SLC19A3: variants seen among roughly 807,000 people sequenced by gnomAD.
SLC19A3 encodes the protein solute carrier family 19 member 3, also known as thiamine transporter 2.
SLC19A3 carries 31 observed loss-of-function variants against 40.2 expected under a neutral mutation model. The ratio of observed to expected loss-of-function variants is 0.77; its 90% CI spans 0.58 to 1.04. SLC19A3 has a LOEUF of 1.04. Among genes scored for constraint, SLC19A3 ranks in the 50% least tolerant of loss-of-function variants. The probability of loss-of-function intolerance (pLI) is 0.00; values close to 1 mark genes in which losing one functional copy is unlikely to be tolerated. For synonymous variants in SLC19A3, 212 were observed against 227.5 expected, an observed-to-expected ratio of 0.93 and a Z score of 0.61; for missense variants, 592 against 596.7, an observed-to-expected ratio of 0.99 and a Z score of 0.08.
intron 3 of SLC19A3, 51 bp downstream of exon 3, chr2:227,698,685 G>A: frequency 1.3e-6 from 2 of 1,491,852 alleles, no homozygotes; most frequent in Non-Finnish European, 1.9e-6. Context: ...CTGGAGGAAT[G>A]GACTTAAGCG....
At chr2:227,699,990 A>G (rs1695617837) in intron 2 of SLC19A3, among the ~76,000 whole-genome samples, 1 of 151,594 alleles carries the variant, frequency 6.6e-6, no homozygotes, top group Non-Finnish European at 1.5e-5. Flanking sequence ...CCATTCTCCC[A>G]TCTCAGCCTC....
chr2:227,710,862 C>T (rs550845889), intron 1 of SLC19A3, among the ~76,000 whole-genome samples: 33 of 152,298 alleles, frequency 2.2e-4, no homozygotes, highest in Admixed American at 9.2e-4. Flanking sequence ...GAGTCAAGCC[C>T]TTCCCTAGAC....
rs901528725 is a variant in SLC19A3 at position 227,684,331 on chromosome 2, C to T, written c.*3066G>A. ...GAATCATAATGCATTTTTTAATCCACTTTGGGTCTCACTCTGTCGCTCAGG... is the reference window on the plus strand; with the variant it reads ...GAATCATAATGCATTTTTTAATCCATTTTGGGTCTCACTCTGTCGCTCAGG... On this transcript the variant is annotated 3_prime_UTR_variant, in exon 6 of 6. Transcript: ENST00000644224. The T allele has an allele frequency of 2.0e-5, 3 of 151,672 alleles. No individual in the cohort carries two copies. The highest frequency in any genetic ancestry group is 7.3e-5 in the African/African-American group (3 of 41,274). 9.4% of individuals were successfully genotyped at this position (151,672 alleles called of 1,614,324 possible).
intron 4 of SLC19A3, among the ~76,000 whole-genome samples, chr2:227,693,833 AT>A (rs1237314300): frequency 6.6e-6 from 1 of 152,130 alleles, no homozygotes; most frequent in Non-Finnish European, 1.5e-5. Context: ...GTGACAAGGG[AT>A]TAAAAACCAG....
At chr2:227,692,073 C>T (rs146475350) in intron 4 of SLC19A3, among the ~76,000 whole-genome samples, 7 of 152,230 alleles carry the variant, frequency 4.6e-5, no homozygotes, top group African/African-American at 1.4e-4. Context: ...AGATTGAAGT[C>T]ATAATAAAAA....
In SLC19A3 at chr2:227,695,932, A is replaced by G. The variant is rs762639195; in HGVS notation, c.1129T>C (p.Leu377=). 1 of 1,614,184 alleles carries G rather than the reference A, an allele frequency of 6.2e-7. No homozygotes were observed. The highest frequency in any genetic ancestry group is 1.1e-5 in the South Asian group (1 of 91,084). The change falls in exon 4 of 6, where the codon TTG becomes CTG. Residue 377 remains leucine, a synonymous_variant. Transcript: ENST00000644224. ...ANIWACYAGY[L]IFKSSYMLLI... Reference sequence around the variant, plus strand: ...AGCATATAGCTGGACTTGAATATCAAATAGCCAGCATAGCACGCCCAGATA... The same window carrying G: ...AGCATATAGCTGGACTTGAATATCAGATAGCCAGCATAGCACGCCCAGATA...
At chr2:227,708,514 G>T (rs1038309089) in intron 1 of SLC19A3, among the ~76,000 whole-genome samples, 2 of 151,870 alleles carry the variant, frequency 1.3e-5, no homozygotes, top group African/African-American at 4.8e-5. Context: ...CGGGAGGATT[G>T]CTTGAGCCCA....
At chr2:227,706,974 C>A (rs767318183) in intron 1 of SLC19A3, among the ~76,000 whole-genome samples, 1 of 152,194 alleles carries the variant, frequency 6.6e-6, no homozygotes, top group African/African-American at 2.4e-5. Flanking sequence ...TACAGTGGCA[C>A]AGTGTTAGCT....
At chr2:227,710,679 C>T (rs960307410) in intron 1 of SLC19A3, among the ~76,000 whole-genome samples, 12 of 152,202 alleles carry the variant, frequency 7.9e-5, no homozygotes, top group African/African-American at 2.9e-4. Flanking sequence ...CTATGGACCC[C>T]ACTCCAAGCT....
At chr2:227,710,653 C>A (rs1048486403) in intron 1 of SLC19A3, among the ~76,000 whole-genome samples, 3 of 152,092 alleles carry the variant, frequency 2.0e-5, no homozygotes, top group Admixed American at 6.6e-5. Context: ...TCCTTCCCCC[C>A]CAGTTTTTAG....
At chr2:227,710,051 T>C (rs1451791744) in intron 1 of SLC19A3, among the ~76,000 whole-genome samples, 1 of 152,092 alleles carries the variant, frequency 6.6e-6, no homozygotes, top group African/African-American at 2.4e-5. Context: ...CAGTTCACAG[T>C]AGGATTTGCA....
rs1202536336 is a variant in SLC19A3 at position 227,696,089 on chromosome 2, A to G, written c.980-8T>C. On this transcript the variant is annotated splice_region_variant and splice_polypyrimidine_tract_variant and intron_variant, in intron 3 of 5. Transcript: ENST00000644224. ...CAAAGGCAGCCACAGCCCCTGAAAA[A>G]AAACATTGAAGGCAATCAAACATAA... 1.9e-6 allele frequency: 3 copies of G among 1,613,716 alleles called. No individual in the cohort carries two copies. The African/African-American group carries it at 4.0e-5, about 22-fold the overall frequency.
In SLC19A3 at chr2:227,703,759, G is replaced by T. The variant is rs1695810086; in HGVS notation, c.-2-1439C>A. Among the ~76,000 whole-genome samples the T allele has an allele frequency of 6.6e-6, 1 of 152,090 alleles. No homozygotes were observed. The highest frequency in any genetic ancestry group is 1.5e-5 in the Non-Finnish European group (1 of 68,028). ...TCATCTTCTGAAGAGTGGTCTTGCT[G>T]GGGTAGCATCTGCTGGCTCTATATC... is the stretch of plus-strand genomic sequence containing the variant. On this transcript the variant is annotated intron_variant, in intron 1 of 5. Transcript: ENST00000644224. The surrounding 1 kb of genome is among the most constrained non-coding windows in gnomAD (Gnocchi z 4.7).
rs181408440 is a variant in SLC19A3, at chr2:227,698,223, C to T, written c.979+513G>A. Among the ~76,000 whole-genome samples the T allele has an allele frequency of 4.7e-3, 708 of 151,932 alleles. 3 individuals carry two copies. The highest frequency in any genetic ancestry group is 7.8e-3 in the Non-Finnish European group (529 of 67,968). ...TCATCCAGGCTGGAGTGCAGTGGCA[C>T]GATCTAGGCTCACTGCAAGCTCAGC... On this transcript the variant is annotated intron_variant, in intron 3 of 5. Coordinates refer to ENST00000644224, the MANE Select transcript of SLC19A3 (RefSeq NM_025243.4).
In SLC19A3 at chr2:227,687,249, T is replaced by C. The variant is rs1410795243; in HGVS notation, c.*148A>G. ...GTCACATAGAGAACTCATCTAAAAC[T>C]GAGGTTTTGTTGTGGTTTTGAAAGG... On this transcript the variant is annotated 3_prime_UTR_variant, in exon 6 of 6. Coordinates refer to ENST00000644224, the MANE Select transcript of SLC19A3 (RefSeq NM_025243.4). The C allele has an allele frequency of 5.2e-6, 4 of 763,882 alleles. No homozygotes were observed. The African/African-American group carries it at 7.0e-5, about 13-fold the overall frequency. The allele number at this position is 763,882 out of a possible 1,614,324, so 47.3% of individuals were successfully genotyped here.
intron 1 of SLC19A3, among the ~76,000 whole-genome samples, chr2:227,716,157 C>T (rs573338176): frequency 1.6e-4 from 25 of 152,224 alleles, no homozygotes; most frequent in African/African-American, 5.8e-4. Flanking sequence ...ATTTTAACAA[C>T]TGATGGCAAT....
chr2:227,694,327 CA>C lies in SLC19A3; in HGVS notation c.1172+1561del, dbSNP rs1695347027. 1.6e-4 allele frequency among the ~76,000 whole-genome samples: 25 copies of C among 151,928 alleles called. No individual in the cohort carries two copies. In the South Asian group the frequency reaches 5.2e-3, roughly 32 times the overall value. ...CAGCCGTGAATATTTTTTTTTAATGCAAAGAAATGATATAATCCTACTTTAA... is the reference window on the plus strand; with the variant it reads ...CAGCCGTGAATATTTTTTTTTAATGCAAGAAATGATATAATCCTACTTTAA... On this transcript the variant is annotated intron_variant, in intron 4 of 5. Transcript: ENST00000644224.
chr2:227,695,977 G>A lies in SLC19A3; in HGVS notation c.1084C>T (p.Leu362Phe). The A allele has an allele frequency of 1.2e-6, 2 of 1,614,104 alleles. No individual in the cohort carries two copies. Among genetic ancestry groups the A allele is most frequent in the Non-Finnish European group, 1.7e-6 (2 of 1,180,012 alleles). Reference protein sequence around the residue: ...FSVVNAGSLFLMHYTANIWAC... With the variant: ...FSVVNAGSLFFMHYTANIWAC... ...CAGATATTGGCTGTGTAATGCATGA[G>A]AAATAAAGAACCGGCATTGACAACT... Residue 362 changes from leucine (L) to phenylalanine (F), a missense_variant, in exon 4 of 6, where the codon CTC (leucine) becomes TTC (phenylalanine). Transcript: ENST00000644224.
chr2:227,702,438 G>A, intron 1 of SLC19A3, 118 bp from the exon 2 acceptor site: 1 of 1,022,558 alleles, frequency 9.8e-7, no homozygotes, highest in Non-Finnish European at 1.5e-6. Flanking sequence ...CTGTTGTCCA[G>A]GCTGAAGTGC....
Sources: gnomAD v4.1 joint callset for allele counts (sites outside exome capture counted in the v4.1 genomes callset) on GRCh38, gnomAD v4.1.1 for gene constraint, Gnocchi (gnomAD v3.1) non-coding constraint, MANE v1.5 for transcripts, NCBI Gene and HGNC (gene_info 2026-07-23, HGNC 2026-07-21) for gene names.